Variants in ACBD6 observed in about 807,000 individuals in gnomAD.
ACBD6 encodes acyl-CoA-binding domain-containing protein 6.
In ACBD6, 28 loss-of-function variants were observed where a neutral mutation model predicts 37.2. The ratio of observed to expected loss-of-function variants is 0.75; its 90% CI spans 0.56 to 1.03. ACBD6 has a LOEUF of 1.03. Ranked by LOEUF, ACBD6 falls within the 50% of genes least tolerant of loss-of-function variation. The pLI is 0.00. For synonymous variants in ACBD6, 113 were observed against 126.8 expected (o/e 0.89, Z 0.73); for missense variants, 340 against 337.4 (o/e 1.01, Z -0.06).
chr1:180,308,483 G>T (rs1450190995), intron 7 of ACBD6, among the ~76,000 whole-genome samples: 1 of 152,160 alleles, frequency 6.6e-6, no homozygotes, highest in Non-Finnish European at 1.5e-5. Context: ...TTGACTTGAG[G>T]ATTCCTGAAA....
Position 180,475,217 on chromosome 1 carries a change from G to A in ACBD6, c.384+17052C>T, listed in dbSNP as rs377193214. On this transcript the variant is annotated intron_variant, in intron 3 of 7. Coordinates refer to ENST00000367595, the MANE Select transcript of ACBD6 (RefSeq NM_032360.4). ...ATTGTACAGTTTGATGAGTTTTGAC[G>A]TATATTGGTGAAACCACTGCCACAG... is the stretch of plus-strand genomic sequence containing the variant. Among the ~76,000 whole-genome samples the A allele has an allele frequency of 3.3e-5, 5 of 152,262 alleles. No homozygotes were observed. The South Asian group carries it at 6.2e-4, about 19-fold the overall frequency.
intron 6 of ACBD6, among the ~76,000 whole-genome samples, chr1:180,388,956 T>C (rs1009617044): frequency 1.3e-5 from 2 of 152,234 alleles, no homozygotes; most frequent in African/African-American, 4.8e-5. Context: ...ATGGACTTAA[T>C]ATTTTAAGAT....
chr1:180,502,379 G>C lies in ACBD6; in HGVS notation c.-113C>G. ...TGGGTCGCGAGCCTGAGCTCCAGTC[G>C]GACCCAAGCTCAGTCGCGGCGCGCT... On this transcript the variant is annotated 5_prime_UTR_variant, in exon 1 of 8. Transcript: ENST00000367595. 1.7e-6 allele frequency: 2 copies of C among 1,202,402 alleles called. No individual in the cohort carries two copies. Among genetic ancestry groups the C allele is most frequent in the Non-Finnish European group, 2.4e-6 (2 of 830,822 alleles). The allele number at this position is 1,202,402 out of a possible 1,614,324, so 74.5% of individuals were successfully genotyped here. A position where few individuals can be genotyped will look rare whatever the true frequency, so the allele number is the denominator to read the frequency against.
chr1:180,398,379 AT>A (rs1419095345), intron 5 of ACBD6, among the ~76,000 whole-genome samples: 1 of 152,182 alleles, frequency 6.6e-6, no homozygotes, highest in African/African-American at 2.4e-5. Context: ...CATAATCTAA[AT>A]GTATGATAAC....
At chr1:180,434,175 T>G (rs1648926335) in intron 3 of ACBD6, among the ~76,000 whole-genome samples, 5 of 152,144 alleles carry the variant, frequency 3.3e-5, no homozygotes, top group Admixed American at 3.3e-4. Context: ...CCCTTTAGCA[T>G]TCAGGAACAA....
chr1:180,370,943 A>C (rs1653239303), intron 6 of ACBD6, among the ~76,000 whole-genome samples: 1 of 152,126 alleles, frequency 6.6e-6, no homozygotes, highest in African/African-American at 2.4e-5. Context: ...TTTAAAAAGA[A>C]AACATGCTGA....
At chr1:180,271,673 T>G in exon 14 of ACBD6, 1 of 1,329,026 alleles carries the variant, frequency 7.5e-7, no homozygotes, top group Non-Finnish European at 1.1e-6. Context: ...GAAGACAGAG[T>G]TCTGAGGCCC....
At chr1:180,364,825 C>T (rs1472167961) in intron 6 of ACBD6, among the ~76,000 whole-genome samples, 1 of 151,560 alleles carries the variant, frequency 6.6e-6, no homozygotes, top group Non-Finnish European at 1.5e-5. Context: ...CCTCTGCCTC[C>T]TGGGTTCAAG....
rs563982217 is a variant in ACBD6 at position 180,409,416 on chromosome 1, C to T, written c.573+3950G>A. The stretch of plus-strand genomic sequence containing the variant: ...TTGCACTATGCTTCATTGCACTTTG[C>T]AAATACTGTGTTTTTTGTAAATTGA... On this transcript the variant is annotated intron_variant, in intron 5 of 7. Transcript: ENST00000367595. 9.2e-5 allele frequency among the ~76,000 whole-genome samples: 14 copies of T among 152,280 alleles called. No individual in the cohort carries two copies. In the South Asian group the frequency reaches 2.3e-3, roughly 25 times the overall value.
intron 7 of ACBD6, among the ~76,000 whole-genome samples, chr1:180,310,666 C>T (rs984975982): frequency 6.6e-6 from 1 of 152,130 alleles, no homozygotes; most frequent in Non-Finnish European, 1.5e-5. Context: ...AGGAGTTTTT[C>T]TCTGGTATGT....
At chr1:180,492,024 G>A (rs984177373) in intron 3 of ACBD6, among the ~76,000 whole-genome samples, 8 of 152,070 alleles carry the variant, frequency 5.3e-5, no homozygotes, top group African/African-American at 1.9e-4. Context: ...TGGCCAGGCC[G>A]GTCTTGAACT....
intron 3 of ACBD6, among the ~76,000 whole-genome samples, chr1:180,469,732 T>A (rs1009178709): frequency 4.6e-5 from 7 of 152,230 alleles, no homozygotes; most frequent in African/African-American, 1.4e-4. Flanking sequence ...TGGTCATTTA[T>A]TCACCATAGC....
chr1:180,305,269 G>A (rs1396537752), intron 7 of ACBD6, among the ~76,000 whole-genome samples: 1 of 152,118 alleles, frequency 6.6e-6, no homozygotes, highest in Non-Finnish European at 1.5e-5. Context: ...TTAAACTAAA[G>A]AGCTTCTGCA....
intron 7 of ACBD6, among the ~76,000 whole-genome samples, chr1:180,294,365 C>T (rs958413783): frequency 1.3e-5 from 2 of 151,672 alleles, no homozygotes; most frequent in African/African-American, 4.8e-5. Flanking sequence ...ATGGTGAAAC[C>T]CTGTCTGTAC....
At chr1:180,435,900 G>T in intron 3 of ACBD6, 1 of 1,391,258 alleles carries the variant, frequency 7.2e-7, no homozygotes, top group East Asian at 2.3e-5. Flanking sequence ...AACGTCAATG[G>T]TGGTGGCCAC....
chr1:180,471,151 G>C (rs1252188351), intron 3 of ACBD6, among the ~76,000 whole-genome samples: 3 of 152,242 alleles, frequency 2.0e-5, no homozygotes, highest in African/African-American at 7.2e-5. Context: ...TGTAATCCCA[G>C]CACTTTGGGA....
At chr1:180,481,029 CA>C (rs1247925225) in intron 3 of ACBD6, among the ~76,000 whole-genome samples, 8 of 100,110 alleles carry the variant, frequency 8.0e-5, no homozygotes, top group African/African-American at 1.1e-4. Flanking sequence ...GACTCCGTCT[CA>C]AAAAAAAAAA....
chr1:180,447,984 G>A (rs1383517764), intron 3 of ACBD6, among the ~76,000 whole-genome samples: 5 of 151,844 alleles, frequency 3.3e-5, no homozygotes, highest in Admixed American at 6.6e-5. Context: ...AGTTACCCAC[G>A]GGTTTAGGGT....
At chr1:180,364,866 T>C (rs1652991328) in intron 6 of ACBD6, among the ~76,000 whole-genome samples, 1 of 151,904 alleles carries the variant, frequency 6.6e-6, no homozygotes, top group Admixed American at 6.6e-5. Flanking sequence ...CCCGAGTAGC[T>C]GGGACTATAG....
Sources: gnomAD v4.1 joint callset for allele counts (sites outside exome capture counted in the v4.1 genomes callset) on GRCh38, gnomAD v4.1.1 for gene constraint, MANE v1.5 for transcripts, NCBI Gene and HGNC (gene_info 2026-07-23, HGNC 2026-07-21) for gene names.